Variants in RNF125 observed in about 807,000 individuals in gnomAD.
RNF125 encodes the protein E3 ubiquitin-protein ligase RNF125.
Under a neutral mutation model 26.0 loss-of-function variants are expected in RNF125, and 21 were observed. The ratio of observed to expected loss-of-function variants is 0.81; its 90% CI spans 0.57 to 1.16. The LOEUF is 1.16. RNF125 is among the 50% of genes most tolerant of loss of function. RNF125 has a pLI of 0.00. For synonymous variants in RNF125, 95 were observed against 109.2 expected, an observed-to-expected ratio of 0.87 and a Z score of 0.81; for missense variants, 270 against 299.4, an observed-to-expected ratio of 0.90 and a Z score of 0.72.
intron 4 of RNF125, among the ~76,000 whole-genome samples, chr18:32,056,793 C>G (rs531782015): frequency 1.3e-5 from 2 of 152,264 alleles, no homozygotes; most frequent in East Asian, 3.9e-4. Context: ...GCAAAAGAAA[C>G]TCAATGCACT....
intron 1 of RNF125, among the ~76,000 whole-genome samples, chr18:32,021,533 CTGTG>C (rs1473327755): frequency 9.2e-5 from 14 of 152,166 alleles, no homozygotes; most frequent in Non-Finnish European, 1.9e-4. Context: ...CCAAGATGGG[CTGTG>C]TGAGTCATAA....
the RNF125 span, among the ~76,000 whole-genome samples, chr18:32,090,656 T>C: frequency 1.3e-5 from 2 of 152,240 alleles, no homozygotes; most frequent in Admixed American, 6.5e-5. Context: ...TTTAATACTT[T>C]GGCAAATACC....
intron 4 of RNF125, among the ~76,000 whole-genome samples, chr18:32,054,674 C>A (rs1347626127): frequency 6.6e-6 from 1 of 152,082 alleles, no homozygotes; most frequent in South Asian, 2.1e-4. Flanking sequence ...GTTGTAGGAA[C>A]TGATGTGAAG....
chr18:32,032,582 T>G (rs2039108461), intron 1 of RNF125, among the ~76,000 whole-genome samples: 1 of 152,056 alleles, frequency 6.6e-6, no homozygotes, highest in African/African-American at 2.4e-5. Context: ...AAAGATACTT[T>G]CCATAAACAG....
chr18:32,019,074 A>T, intron 1 of RNF125, 47 bp downstream of exon 1: 2 of 1,593,228 alleles, frequency 1.3e-6, no homozygotes, highest in South Asian at 2.3e-5. Context: ...AAGGAGGGCG[A>T]TGTGGGGAAG....
chr18:32,075,985 TG>T, downstream of RNF125: 1 of 1,192,566 alleles, frequency 8.4e-7, no homozygotes, highest in Non-Finnish European at 1.2e-6. Flanking sequence ...GAAACCAAAC[TG>T]GCAGGATGGG....
intron 4 of RNF125, 116 bp downstream of exon 4, chr18:32,045,848 G>C: frequency 4.7e-6 from 3 of 632,536 alleles, no homozygotes; most frequent in Non-Finnish European, 8.2e-6. Flanking sequence ...TTTAAGTTAA[G>C]GTTATGGTAA....
chr18:32,061,710 T>C (rs2039436571), intron 4 of RNF125, among the ~76,000 whole-genome samples: 1 of 152,254 alleles, frequency 6.6e-6, no homozygotes, highest in African/African-American at 2.4e-5. Flanking sequence ...TTCCGAACCC[T>C]TGGGCAAAAT....
the RNF125 span, among the ~76,000 whole-genome samples, chr18:32,089,535 G>A: frequency 6.6e-6 from 1 of 152,200 alleles, no homozygotes; most frequent in African/African-American, 2.4e-5. Context: ...AATGTATTTT[G>A]AGTAAATCTA....
the RNF125 span, among the ~76,000 whole-genome samples, chr18:32,078,914 A>T: frequency 6.6e-6 from 1 of 152,282 alleles, no homozygotes; most frequent in East Asian, 1.9e-4. Flanking sequence ...TATTTTTCTG[A>T]AAAGACTTCC....
At chr18:32,090,582 TAACTC>T in the RNF125 span, among the ~76,000 whole-genome samples, 3 of 152,250 alleles carry the variant, frequency 2.0e-5, no homozygotes, top group African/African-American at 7.2e-5. Context: ...AGTTTTCTGT[TAACTC>T]TATATATTTC....
chr18:32,053,314 A>G (rs2039346691), intron 4 of RNF125, among the ~76,000 whole-genome samples: 1 of 152,134 alleles, frequency 6.6e-6, no homozygotes, highest in South Asian at 2.1e-4. Context: ...GTGAGCCGAG[A>G]TTGTGCCATT....
the RNF125 span, among the ~76,000 whole-genome samples, chr18:32,083,895 C>A: frequency 6.7e-6 from 1 of 148,964 alleles, no homozygotes; most frequent in Non-Finnish European, 1.5e-5. Flanking sequence ...AGAGGCGAGA[C>A]CCTGTCTCGA....
chr18:32,068,232 C>G, intron 5 of RNF125, 66 bp from the exon 6 acceptor site: 1 of 866,056 alleles, frequency 1.2e-6, no homozygotes, highest in Non-Finnish European at 1.9e-6. Flanking sequence ...TTGCATTGAC[C>G]CTCATCCTCT....
At chr18:32,088,472 C>T in the RNF125 span, among the ~76,000 whole-genome samples, 2 of 152,126 alleles carry the variant, frequency 1.3e-5, no homozygotes, top group East Asian at 1.9e-4. Context: ...CAAGATCCAT[C>T]GAACTTGACT....
At chr18:32,047,905 A>G (rs529768802) in intron 4 of RNF125, among the ~76,000 whole-genome samples, 1 of 152,294 alleles carries the variant, frequency 6.6e-6, no homozygotes, top group South Asian at 2.1e-4. Flanking sequence ...TGGGCAGATT[A>G]CTTGAGGCCA....
intron 1 of RNF125, chr18:32,031,105 T>C (rs1437502454): frequency 3.3e-5 from 5 of 152,052 alleles, no homozygotes; most frequent in Non-Finnish European, 5.9e-5. Context: ...GGAACCAAGT[T>C]TTCATGCTTG....
the RNF125 span, among the ~76,000 whole-genome samples, chr18:32,089,600 G>C: frequency 6.6e-6 from 1 of 152,196 alleles, no homozygotes; most frequent in Non-Finnish European, 1.5e-5. Context: ...TGCCAAGAAA[G>C]AAGATTGTGT....
chr18:32,081,424 AC>A, the RNF125 span, among the ~76,000 whole-genome samples: 1 of 152,190 alleles, frequency 6.6e-6, no homozygotes, highest in African/African-American at 2.4e-5. Flanking sequence ...TATAGAGACA[AC>A]AACTTTACTC....
Sources: allele counts gnomAD v4.1 joint callset (sites outside exome capture counted in the v4.1 genomes callset), GRCh38; gene constraint gnomAD v4.1.1; transcripts MANE v1.5; gene names NCBI Gene and HGNC (gene_info 2026-07-23, HGNC 2026-07-21).